SLC7A14: variants seen among roughly 807,000 people sequenced by gnomAD.
SLC7A14 encodes gamma-aminobutyric acid transporter SLC7A14.
SLC7A14 carries 37 observed loss-of-function variants against 60.2 expected under a neutral mutation model. That is an observed-to-expected ratio of 0.61 (90% CI 0.47 to 0.81). SLC7A14 has a LOEUF of 0.81. Among genes scored for constraint, SLC7A14 ranks in the 30% least tolerant of loss-of-function variants. SLC7A14 has a pLI of 0.00. For missense variants in SLC7A14, 886 were observed against 982.7 expected (o/e 0.90, Z 1.32); for synonymous variants, 399 against 395.8 (o/e 1.01, Z -0.10).
chr3:170,569,010 C>T (rs1354794588), intron 1 of SLC7A14, among the ~76,000 whole-genome samples: 1 of 152,046 alleles, frequency 6.6e-6, no homozygotes, highest in African/African-American at 2.4e-5. Context: ...ATTTCCTTCC[C>T]CTGCCTAATT....
chr3:170,537,173 G>A (rs183773897), intron 1 of SLC7A14, among the ~76,000 whole-genome samples: 3 of 152,314 alleles, frequency 2.0e-5, no homozygotes, highest in Admixed American at 1.3e-4. Context: ...CTCTGAGTCT[G>A]CAGGGCTGTG....
intron 2 of SLC7A14, among the ~76,000 whole-genome samples, chr3:170,512,479 A>G (rs868670020): frequency 6.6e-6 from 1 of 151,920 alleles, no homozygotes; most frequent in Non-Finnish European, 1.5e-5. Flanking sequence ...TGCAGGAGAG[A>G]ATCTTTTGGT....
Position 170,464,890 on chromosome 3 carries a change from T to C in SLC7A14, c.*2165A>G, listed in dbSNP as rs1269580216. 1 of 152,216 alleles carries C rather than the reference T, an allele frequency of 6.6e-6. No homozygotes were observed. The highest frequency in any genetic ancestry group is 6.5e-5 in the Admixed American group (1 of 15,276). 9.4% of individuals were successfully genotyped at this position (152,216 alleles called of 1,614,324 possible). Reference sequence around the variant, plus strand: ...TCTCATGCTTAATGAATACAACCCCTCCTCATCTATCTAGATATGTATCAA... The same window carrying C: ...TCTCATGCTTAATGAATACAACCCCCCCTCATCTATCTAGATATGTATCAA... On this transcript the variant is annotated 3_prime_UTR_variant, in exon 8 of 8. Transcript: ENST00000231706.
At chr3:170,562,557 T>C (rs1714683715) in intron 1 of SLC7A14, among the ~76,000 whole-genome samples, 1 of 152,102 alleles carries the variant, frequency 6.6e-6, no homozygotes, top group Non-Finnish European at 1.5e-5. Context: ...GCTCAGGTGA[T>C]GGGTGCACGA....
intron 2 of SLC7A14, among the ~76,000 whole-genome samples, chr3:170,503,894 G>A (rs914436963): frequency 6.6e-6 from 1 of 152,190 alleles, no homozygotes; most frequent in Non-Finnish European, 1.5e-5. Flanking sequence ...AAGAGGCCCT[G>A]GCTGTGCATG....
At chr3:170,577,576 C>T (rs975527957) in intron 1 of SLC7A14, among the ~76,000 whole-genome samples, 9 of 147,990 alleles carry the variant, frequency 6.1e-5, no homozygotes, top group African/African-American at 2.0e-4. Flanking sequence ...CGAGATTGCG[C>T]CACTGCAGTC....
At chr3:170,516,193 G>A (rs148214436) in intron 2 of SLC7A14, among the ~76,000 whole-genome samples, 1 of 152,302 alleles carries the variant, frequency 6.6e-6, no homozygotes, top group East Asian at 1.9e-4. Context: ...TTCCTACAGG[G>A]CTGTCAATTG....
chr3:170,520,415 C>T (rs1211329053), intron 2 of SLC7A14, among the ~76,000 whole-genome samples: 2 of 152,202 alleles, frequency 1.3e-5, no homozygotes, highest in African/African-American at 4.8e-5. Flanking sequence ...TCAGATTTAG[C>T]ATTCATCTCC....
At chr3:170,563,413 G>GTTTTTTTTTTT (rs200599026) in intron 1 of SLC7A14, among the ~76,000 whole-genome samples, 1 of 111,334 alleles carries the variant, frequency 9.0e-6, no homozygotes, top group Non-Finnish European at 1.7e-5. Context: ...CTGTTTGTTT[G>GTTTTTTTTTTT]TTTGTTTTTT....
At chr3:170,512,857 G>A (rs1713031425) in intron 2 of SLC7A14, among the ~76,000 whole-genome samples, 2 of 151,766 alleles carry the variant, frequency 1.3e-5, no homozygotes, top group South Asian at 4.2e-4. Flanking sequence ...TAGAGACGGG[G>A]TTTCACCGTT....
In SLC7A14 at chr3:170,486,510, G is replaced by A. The variant is rs1008106387; in HGVS notation, c.760-142C>T. On this transcript the variant is annotated intron_variant, in intron 4 of 7. Transcript: ENST00000231706. Reference sequence around the variant, plus strand: ...ACATGGTGGAACTCGTGCTAAACACGCAGGTTCTGATCTCCTCTACTTTCT... The same window carrying A: ...ACATGGTGGAACTCGTGCTAAACACACAGGTTCTGATCTCCTCTACTTTCT... 3.1e-5 allele frequency: 31 copies of A among 1,015,182 alleles called. No homozygotes were observed. In the South Asian group the frequency reaches 3.8e-4, roughly 12 times the overall value. 62.9% of individuals were successfully genotyped at this position (1,015,182 alleles called of 1,614,324 possible).
At chr3:170,469,311 A>T (rs995108602) in intron 7 of SLC7A14, among the ~76,000 whole-genome samples, 5 of 152,038 alleles carry the variant, frequency 3.3e-5, no homozygotes, top group African/African-American at 1.2e-4. Context: ...CCTTGTCTCA[A>T]ATGACTTTGT....
rs1168418577 is a variant in SLC7A14, at chr3:170,460,828, G to A, written c.*6227C>T. The A allele has an allele frequency of 6.6e-6, 1 of 152,158 alleles. No homozygotes were observed. Among genetic ancestry groups the A allele is most frequent in the African/African-American group, 2.4e-5 (1 of 41,430 alleles). The allele number at this position is 152,158 out of a possible 1,614,324, so 9.4% of individuals were successfully genotyped here. A position where few individuals can be genotyped will look rare whatever the true frequency, so the allele number is the denominator to read the frequency against. ...AAAGAGTAAGAAATTAGAACTACCTGTTGTCCGAAGACCTTAAGCCCAAAG... is the reference window on the plus strand; with the variant it reads ...AAAGAGTAAGAAATTAGAACTACCTATTGTCCGAAGACCTTAAGCCCAAAG... On this transcript the variant is annotated 3_prime_UTR_variant, in exon 8 of 8. Transcript: ENST00000231706.
At chr3:170,559,674 TA>T (rs1164608821) in intron 1 of SLC7A14, among the ~76,000 whole-genome samples, 2 of 152,334 alleles carry the variant, frequency 1.3e-5, no homozygotes, top group Admixed American at 6.5e-5. Context: ...ATACCTGGAT[TA>T]AAAAATAACC....
Position 170,481,059 on chromosome 3 carries a change from A to C in SLC7A14, c.1223T>G (p.Ile408Arg). ...GAGCGTGCCGATAGACATCATCTCT[A>C]TCAGGTCTCTCAAGCTGACCAACAG... ...LALLVSLRDL[I>R]EMMSIGTLLA... The change falls in exon 7 of 8, where the codon ATA becomes AGA. Residue 408 changes from isoleucine to arginine, a missense_variant. Coordinates refer to ENST00000231706, the MANE Select transcript of SLC7A14 (RefSeq NM_020949.3). 1.2e-6 allele frequency: 2 copies of C among 1,614,158 alleles called. No individual in the cohort carries two copies. Among genetic ancestry groups the C allele is most frequent in the Non-Finnish European group, 1.7e-6 (2 of 1,180,034 alleles).
At chr3:170,579,744 C>G (rs1298232224) in intron 1 of SLC7A14, among the ~76,000 whole-genome samples, 1 of 152,186 alleles carries the variant, frequency 6.6e-6, no homozygotes, top group East Asian at 1.9e-4. Flanking sequence ...AATTTAGGAA[C>G]AATAGCAATT....
Position 170,498,668 on chromosome 3 carries a change from C to T in SLC7A14, c.758G>A (p.Gly253Glu), listed in dbSNP as rs1386613941. 6.2e-7 allele frequency: 1 copy of T among 1,613,904 alleles called. No homozygotes were observed. The highest frequency in any genetic ancestry group is 1.3e-5 in the African/African-American group (1 of 74,908). Residue 253 changes from glycine (G) to glutamate (E), a missense_variant and splice_region_variant, in exon 4 of 8, where the codon GGG becomes GAG. By Grantham distance (98) the Gly-to-Glu change is moderately conservative (BLOSUM62 -2). Coordinates refer to ENST00000231706, the MANE Select transcript of SLC7A14 (RefSeq NM_020949.3). The stretch of plus-strand genomic sequence containing the variant: ...ACCAGGTGTTTGGAACAAACTTACC[C>T]CTGACCAGCCGTGGGGCAAGAACTG... ...EGQFLPHGWS[G>E]VLQGAATCFY...
chr3:170,502,537 T>G (rs1168737675), intron 2 of SLC7A14, among the ~76,000 whole-genome samples: 1 of 152,118 alleles, frequency 6.6e-6, no homozygotes, highest in Non-Finnish European at 1.5e-5. Flanking sequence ...ATAGGACAGC[T>G]TGGAGGAAAC....
intron 1 of SLC7A14, among the ~76,000 whole-genome samples, chr3:170,563,560 G>C (rs774101852): frequency 1.3e-5 from 2 of 151,662 alleles, no homozygotes; most frequent in African/African-American, 4.8e-5. Flanking sequence ...TGGGATTACA[G>C]GCACCCACCA....
Sources: gnomAD v4.1 joint callset for allele counts (sites outside exome capture counted in the v4.1 genomes callset) on GRCh38, gnomAD v4.1.1 for gene constraint, MANE v1.5 for transcripts, NCBI Gene and HGNC (gene_info 2026-07-23, HGNC 2026-07-21) for gene names.